KIZ: variants seen among roughly 807,000 people sequenced by gnomAD.
KIZ encodes centrosomal protein kizuna.
In KIZ, 68 loss-of-function variants were observed where a neutral mutation model predicts 79.6. The ratio of observed to expected loss-of-function variants is 0.85; its 90% confidence interval spans 0.70 to 1.05. The LOEUF is 1.05. Among genes scored for constraint, KIZ ranks in the 50% least tolerant of loss-of-function variants. KIZ has a pLI of 0.00. For missense variants in KIZ, 797 were observed against 800.4 expected (o/e 1.00, Z 0.05); for synonymous variants, 280 against 281.8 (o/e 0.99, Z 0.06).
intron 4 of KIZ, among the ~76,000 whole-genome samples, chr20:21,157,224 G>A (rs1453318269): frequency 6.6e-6 from 1 of 152,140 alleles, no homozygotes; most frequent in Non-Finnish European, 1.5e-5. Context: ...TCAAGTACAC[G>A]TTGCCTTTTT....
rs376099966 is a variant in KIZ, at chr20:21,145,121, A to G, written c.316-444A>G. 5.3e-5 allele frequency among the ~76,000 whole-genome samples: 8 copies of G among 152,004 alleles called. No homozygotes were observed. In the South Asian group the frequency reaches 1.7e-3, roughly 32 times the overall value. On this transcript the variant is annotated intron_variant, in intron 3 of 12. Coordinates refer to ENST00000619189, the MANE Select transcript of KIZ (RefSeq NM_018474.6). The stretch of plus-strand genomic sequence containing the variant: ...AATTGCTGTGACGATCAGAATCATG[A>G]TATTTTGTAGATATCATATAGATAA...
intron 6 of KIZ, among the ~76,000 whole-genome samples, chr20:21,177,234 A>G (rs1398352414): frequency 6.6e-6 from 1 of 152,152 alleles, no homozygotes; most frequent in Non-Finnish European, 1.5e-5. Context: ...GTTTCTCTAC[A>G]TCTTTGCCAG....
At position 21,181,264 on chromosome 20, in the gene KIZ, A is replaced by G. The variant is rs577271549; in HGVS notation, c.1352+18105A>G. Among the ~76,000 whole-genome samples the G allele has an allele frequency of 1.4e-4, 22 of 152,308 alleles. 1 individual carries two copies. In the South Asian group the frequency reaches 4.6e-3, roughly 32 times the overall value. On this transcript the variant is annotated intron_variant, in intron 6 of 12. Transcript: ENST00000619189. ...TTTTCCTCACCTCTCCAGTCCGCAC[A>G]CAAGAGCAGCCACCTGGTCTTGCCT...
intron 9 of KIZ, among the ~76,000 whole-genome samples, chr20:21,226,730 C>A (rs568944362): frequency 6.6e-6 from 1 of 151,978 alleles, no homozygotes; most frequent in East Asian, 1.9e-4. Context: ...GGGAATCACA[C>A]TGGGATTGGG....
chr20:21,181,185 A>G (rs1290254173), intron 6 of KIZ, among the ~76,000 whole-genome samples: 1 of 152,152 alleles, frequency 6.6e-6, no homozygotes, highest in Non-Finnish European at 1.5e-5. Context: ...CTCACATGCC[A>G]GCAAACAGCA....
At chr20:21,163,430 C>T (rs939838762) in intron 6 of KIZ, among the ~76,000 whole-genome samples, 1 of 152,140 alleles carries the variant, frequency 6.6e-6, no homozygotes, top group Non-Finnish European at 1.5e-5. Flanking sequence ...ATTATATACA[C>T]ATAATCCCTG....
At chr20:21,182,131 G>A (rs1304839779) in intron 6 of KIZ, among the ~76,000 whole-genome samples, 2 of 152,190 alleles carry the variant, frequency 1.3e-5, no homozygotes. Context: ...TGTGATATTT[G>A]GAGAAGGGAC....
At chr20:21,168,339 G>C (rs1284827193) in intron 6 of KIZ, among the ~76,000 whole-genome samples, 1 of 152,144 alleles carries the variant, frequency 6.6e-6, no homozygotes, top group African/African-American at 2.4e-5. Context: ...ATTTGGGTTG[G>C]TTCCAAGTTA....
intron 6 of KIZ, among the ~76,000 whole-genome samples, chr20:21,167,043 C>T (rs2033976271): frequency 6.6e-6 from 1 of 152,210 alleles, no homozygotes; most frequent in South Asian, 2.1e-4. Flanking sequence ...GAAATTGATT[C>T]TGCCAATAAC....
chr20:21,175,326 G>A (rs918431433), intron 6 of KIZ, among the ~76,000 whole-genome samples: 10 of 152,100 alleles, frequency 6.6e-5, no homozygotes, highest in Non-Finnish European at 1.0e-4. Context: ...TACTAAGAAG[G>A]GAATAGTCCT....
In KIZ at chr20:21,155,119, T is replaced by C. The variant is rs191619408; in HGVS notation, c.406-6752T>C. Among the ~76,000 whole-genome samples the C allele has an allele frequency of 1.7e-3, 264 of 152,304 alleles. 1 individual carries two copies. Among genetic ancestry groups the C allele is most frequent in the African/African-American group, 6.0e-3 (251 of 41,556 alleles). On this transcript the variant is annotated intron_variant, in intron 4 of 12. Coordinates refer to ENST00000619189, the MANE Select transcript of KIZ (RefSeq NM_018474.6). ...AACAGTTTGGCAGTTCCTGAAAAAG[T>C]TAAACATATAGTTACCGTACGAGGC...
At chr20:21,145,868 ACT>A (rs1041138836) in intron 4 of KIZ, among the ~76,000 whole-genome samples, 1 of 152,162 alleles carries the variant, frequency 6.6e-6, no homozygotes, top group Non-Finnish European at 1.5e-5. Context: ...GAAAGGATAG[ACT>A]CTAAAGAAAA....
intron 6 of KIZ, among the ~76,000 whole-genome samples, chr20:21,185,425 T>G (rs2034834490): frequency 6.7e-6 from 1 of 149,608 alleles, no homozygotes; most frequent in Non-Finnish European, 1.5e-5. Flanking sequence ...TTTTTTTTTT[T>G]TTGAGACGGA....
intron 11 of KIZ, among the ~76,000 whole-genome samples, chr20:21,237,100 G>A (rs1162679739): frequency 1.3e-5 from 2 of 151,348 alleles, no homozygotes; most frequent in Non-Finnish European, 2.9e-5. Context: ...TCAGGAGTTC[G>A]AGACCAGCAT....
At chr20:21,159,156 C>T (rs976930254) in intron 4 of KIZ, among the ~76,000 whole-genome samples, 1 of 151,418 alleles carries the variant, frequency 6.6e-6, no homozygotes, top group Non-Finnish European at 1.5e-5. Flanking sequence ...TACAGGTGCC[C>T]AAATATTTTT....
At chr20:21,238,075 C>T (rs750005441) in intron 11 of KIZ, among the ~76,000 whole-genome samples, 1 of 152,300 alleles carries the variant, frequency 6.6e-6, no homozygotes, top group East Asian at 1.9e-4. Flanking sequence ...AGGTGATCCA[C>T]TCTCCTCGGC....
chr20:21,228,095 G>T (rs1303328752), intron 9 of KIZ, among the ~76,000 whole-genome samples: 1 of 152,024 alleles, frequency 6.6e-6, no homozygotes, highest in Non-Finnish European at 1.5e-5. Context: ...CAGTAATAGG[G>T]TCTCATGGTT....
At chr20:21,215,701 TA>T in intron 9 of KIZ, 53 bp downstream of exon 9, 1 of 1,253,780 alleles carries the variant, frequency 8.0e-7, no homozygotes, top group Non-Finnish European at 1.1e-6. Flanking sequence ...CATTATTATA[TA>T]AGCGGAACAT....
In KIZ at chr20:21,133,973, C is replaced by T. The variant is rs563579664; in HGVS notation, c.152+1814C>T. Among the ~76,000 whole-genome samples, 6 of 152,326 alleles carry T rather than the reference C, an allele frequency of 3.9e-5. 1 individual carries two copies. The South Asian group carries it at 1.2e-3, about 32-fold the overall frequency. On this transcript the variant is annotated intron_variant, in intron 2 of 12. Coordinates refer to ENST00000619189, the MANE Select transcript of KIZ (RefSeq NM_018474.6). ...GGGCAGCCCCAGGTGGAGTTAACTC[C>T]TTTACACATCTAGGCTTTTCCATGC... is the stretch of plus-strand genomic sequence containing the variant.
Sources: allele counts gnomAD v4.1 joint callset (sites outside exome capture counted in the v4.1 genomes callset), GRCh38; gene constraint gnomAD v4.1.1; transcripts MANE v1.5; gene names NCBI Gene and HGNC (gene_info 2026-07-23, HGNC 2026-07-21).